The following ZNF875 variants were observed in gnomAD, a reference collection of about 807,000 sequenced individuals.
The protein encoded by ZNF875 is zinc finger protein 875.
A neutral mutation model predicts 11.2 loss-of-function variants in ZNF875; 14 were observed. The observed-to-expected ratio is 1.26, with a 90% CI of 0.83 to 1.96. ZNF875 has a LOEUF of 1.96. ZNF875 is among the 30% of genes most tolerant of loss of function. The pLI is 0.00. For missense variants in ZNF875, 752 were observed against 760.4 expected (o/e 0.99, Z 0.13); for synonymous variants, 301 against 281.1 (o/e 1.07, Z -0.71).
At chr19:37,352,057 T>C (rs1219893812) in intron 4 of ZNF875, among the ~76,000 whole-genome samples, 1 of 152,214 alleles carries the variant, frequency 6.6e-6, no homozygotes, top group Non-Finnish European at 1.5e-5. Flanking sequence ...ATCTCTAAGG[T>C]TTTGATTCAT....
intron 2 of ZNF875, among the ~76,000 whole-genome samples, chr19:37,340,644 C>CT (rs386388968): frequency 0.02 from 2,055 of 104,684 alleles, 96 homozygotes; most frequent in East Asian, 0.057. Context: ...CTTATGTGTA[C>CT]TTTTTTTTTT....
chr19:37,329,098 G>C (rs1568569859), intron 4 of ZNF875: 1 of 152,224 alleles, frequency 6.6e-6, no homozygotes, highest in Non-Finnish European at 1.5e-5. Flanking sequence ...GTGAGCTGCT[G>C]TATTAGATGG....
intron 4 of ZNF875, among the ~76,000 whole-genome samples, chr19:37,357,181 A>G (rs1009731739): frequency 6.6e-6 from 1 of 152,166 alleles, no homozygotes; most frequent in South Asian, 2.1e-4. Flanking sequence ...GTAGATCTAT[A>G]TGTCTATTTT....
intron 4 of ZNF875, among the ~76,000 whole-genome samples, chr19:37,361,639 T>C (rs990947051): frequency 5.3e-5 from 8 of 152,240 alleles, no homozygotes; most frequent in Middle Eastern, 3.4e-3. Context: ...ATGTAATGCA[T>C]AGGGCTAGAC....
intron 4 of ZNF875, among the ~76,000 whole-genome samples, chr19:37,361,243 C>T (rs1363598734): frequency 2.6e-5 from 4 of 151,478 alleles, no homozygotes; most frequent in Admixed American, 2.0e-4. Flanking sequence ...CCCAAGTAGC[C>T]GAGACTACAT....
intron 1 of ZNF875, among the ~76,000 whole-genome samples, chr19:37,318,858 G>A (rs2030656427): frequency 6.6e-6 from 1 of 152,014 alleles, no homozygotes; most frequent in African/African-American, 2.4e-5. Flanking sequence ...TTCTGTGAAA[G>A]GCACAGCGAG....
chr19:37,320,024 A>G (rs1190640292), intron 1 of ZNF875, among the ~76,000 whole-genome samples: 1 of 152,136 alleles, frequency 6.6e-6, no homozygotes, highest in African/African-American at 2.4e-5. Flanking sequence ...AGTAGCTGGG[A>G]CTACAGGCAC....
chr19:37,330,568 T>C (rs2145820380), upstream of ZNF875, among the ~76,000 whole-genome samples: 1 of 152,184 alleles, frequency 6.6e-6, no homozygotes, highest in East Asian at 1.9e-4. Flanking sequence ...TCTCATTTCC[T>C]GTTATTCTGT....
At chr19:37,318,189 A>G (rs1217417989) in intron 1 of ZNF875, 2 of 153,314 alleles carry the variant, frequency 1.3e-5, no homozygotes, top group East Asian at 3.8e-4. Flanking sequence ...GATTAAAGGT[A>G]AAAACGGGAC....
intron 4 of ZNF875, chr19:37,328,705 A>G (rs1392139976): frequency 6.6e-6 from 1 of 152,218 alleles, no homozygotes; most frequent in East Asian, 1.9e-4. Context: ...CAACACAAAC[A>G]GACTAAGACA....
chr19:37,340,372 C>T (rs1249145744), intron 2 of ZNF875, among the ~76,000 whole-genome samples: 1 of 152,192 alleles, frequency 6.6e-6, no homozygotes, highest in South Asian at 2.1e-4. Context: ...AGGTCTCTTT[C>T]TTCTCTCACA....
At chr19:37,359,146 A>G (rs59049228) in intron 4 of ZNF875, among the ~76,000 whole-genome samples, 3,090 of 151,644 alleles carry the variant, frequency 0.02, 105 homozygotes, top group African/African-American at 0.071. Flanking sequence ...GTGATCCGCC[A>G]CCTCAGCCTT....
intron 4 of ZNF875, chr19:37,358,133 CTTTTTTT>C (rs35011906): frequency 1.9e-4 from 16 of 85,574 alleles, no homozygotes; most frequent in Middle Eastern, 0.012. Flanking sequence ...TTAAGATGAT[CTTTTTTT>C]TTTTTTTTTT....
At chr19:37,320,568 T>C (rs778590190) in intron 1 of ZNF875, among the ~76,000 whole-genome samples, 2 of 152,246 alleles carry the variant, frequency 1.3e-5, no homozygotes, top group Non-Finnish European at 2.9e-5. Context: ...CTCATGCTTA[T>C]AGTCAGGATT....
rs1445799545 is a variant in ZNF875 at position 37,334,777 on chromosome 19, C to T, written c.-62C>T. The T allele has an allele frequency of 2.2e-6, 1 of 456,444 alleles. No homozygotes were observed. 28.3% of individuals were successfully genotyped at this position (456,444 alleles called of 1,614,324 possible). On this transcript the variant is annotated 5_prime_UTR_variant, in exon 1 of 5. Transcript: ENST00000392153. ...CTTCAGGATCCGCAGCGTGCACCCG[C>T]GTTCCGTGAGTGCCCTATAGGCAGT...
chr19:37,347,971 C>T (rs765657216), intron 4 of ZNF875, 99 bp downstream of exon 4: 6 of 706,820 alleles, frequency 8.5e-6, no homozygotes, highest in Non-Finnish European at 1.5e-5. Flanking sequence ...TTCTTCAGGC[C>T]TCCTAAGCCA....
At chr19:37,341,300 G>C (rs1004224061) in intron 2 of ZNF875, among the ~76,000 whole-genome samples, 7 of 152,170 alleles carry the variant, frequency 4.6e-5, no homozygotes, top group African/African-American at 1.7e-4. Context: ...TTCATATTTT[G>C]GGCTGGCCGC....
At chr19:37,336,637 G>A (rs1397542825) in intron 2 of ZNF875, among the ~76,000 whole-genome samples, 6 of 151,684 alleles carry the variant, frequency 4.0e-5, no homozygotes. Flanking sequence ...GGCCAGGCGT[G>A]GTGGCTCAGG....
At chr19:37,342,877 G>A (rs1436761396) in intron 2 of ZNF875, among the ~76,000 whole-genome samples, 1 of 152,122 alleles carries the variant, frequency 6.6e-6, no homozygotes, top group African/African-American at 2.4e-5. Context: ...TCCTTTCCCA[G>A]TCCCCACTAG....
Sources: gnomAD v4.1 joint callset for allele counts (sites outside exome capture counted in the v4.1 genomes callset) on GRCh38, gnomAD v4.1.1 for gene constraint, MANE v1.5 for transcripts, NCBI Gene and HGNC (gene_info 2026-07-23, HGNC 2026-07-21) for gene names.